Variants in SLC9C1 observed in about 807,000 individuals in gnomAD.
SLC9C1 encodes sodium/hydrogen exchanger 10.
A neutral mutation model predicts 140.9 loss-of-function variants in SLC9C1; 97 were observed. That is an observed-to-expected ratio of 0.69 (90% CI 0.58 to 0.82). The LOEUF is 0.82. Ranked by LOEUF, SLC9C1 falls within the 40% of genes least tolerant of loss-of-function variation. SLC9C1 has a pLI of 0.00. For synonymous variants in SLC9C1, 440 were observed against 442.6 expected (o/e 0.99, Z 0.07); for missense variants, 1,340 against 1,389.3 (o/e 0.96, Z 0.56).
chr3:112,265,766 C>T (rs1382090243), intron 8 of SLC9C1, among the ~76,000 whole-genome samples: 1 of 152,092 alleles, frequency 6.6e-6, no homozygotes, highest in Non-Finnish European at 1.5e-5. Flanking sequence ...ACTGCTAATC[C>T]TCTTCAAATG....
chr3:112,287,468 A>C (rs1388857855), intron 1 of SLC9C1, among the ~76,000 whole-genome samples: 2 of 152,254 alleles, frequency 1.3e-5, no homozygotes. Context: ...CCAAGAATGT[A>C]AGAAAAATAT....
rs559003260 is a variant in SLC9C1 at position 112,141,299 on chromosome 3, A to G, written c.3525-18T>C. ...ACTCTTTCCTAATAGAAGCGGAAAGAAAAAACAAAAACATAGAGGGCTTTT... is the reference window on the plus strand; with the variant it reads ...ACTCTTTCCTAATAGAAGCGGAAAGGAAAAACAAAAACATAGAGGGCTTTT... On this transcript the variant is annotated intron_variant, in intron 28 of 28. Transcript: ENST00000305815. 58 of 1,579,964 alleles carry G rather than the reference A, an allele frequency of 3.7e-5. No individual in the cohort carries two copies. The highest frequency in any genetic ancestry group is 4.6e-5 in the Non-Finnish European group (53 of 1,164,384).
At chr3:112,211,684 T>G (rs549861150) in intron 15 of SLC9C1, among the ~76,000 whole-genome samples, 7 of 152,256 alleles carry the variant, frequency 4.6e-5, no homozygotes, top group African/African-American at 1.7e-4. Flanking sequence ...TGCTGAGGCT[T>G]GAGTAGGTAA....
chr3:112,237,961 C>A (rs2079036813), intron 12 of SLC9C1, among the ~76,000 whole-genome samples: 1 of 152,058 alleles, frequency 6.6e-6, no homozygotes, highest in South Asian at 2.1e-4. Flanking sequence ...CGAGAAGTAT[C>A]TTTGTGGCAT....
intron 10 of SLC9C1, among the ~76,000 whole-genome samples, chr3:112,253,655 A>T (rs1203209926): frequency 6.6e-6 from 1 of 152,220 alleles, no homozygotes; most frequent in Non-Finnish European, 1.5e-5. Flanking sequence ...AGCTAAAGGG[A>T]CACCCAAACA....
intron 20 of SLC9C1, among the ~76,000 whole-genome samples, chr3:112,190,946 C>CACACAA (rs751385047): frequency 9.8e-4 from 141 of 143,712 alleles, no homozygotes; most frequent in Non-Finnish European, 1.9e-3. Context: ...CACACACACA[C>CACACAA]ACACACACAC....
intron 12 of SLC9C1, among the ~76,000 whole-genome samples, chr3:112,239,432 A>G (rs9755969): frequency 1 from 151,620 of 152,310 alleles, 75,471 homozygotes; most frequent in Middle Eastern, 1. Context: ...CCCTGGTTCA[A>G]CTCACACTGG....
intron 4 of SLC9C1, 99 bp from the exon 5 acceptor site, chr3:112,277,959 A>G (rs1278433646): frequency 4.2e-6 from 4 of 962,078 alleles, no homozygotes; most frequent in Non-Finnish European, 6.0e-6. Flanking sequence ...ATCAACCAAC[A>G]CCAACAGTAC....
intron 20 of SLC9C1, among the ~76,000 whole-genome samples, chr3:112,187,278 C>T (rs1211407994): frequency 1.3e-5 from 2 of 152,090 alleles, no homozygotes; most frequent in Non-Finnish European, 2.9e-5. Flanking sequence ...TTATTTTAAT[C>T]TTTCATTATT....
intron 10 of SLC9C1, among the ~76,000 whole-genome samples, chr3:112,251,086 C>G (rs894917951): frequency 6.6e-6 from 1 of 151,954 alleles, no homozygotes; most frequent in Non-Finnish European, 1.5e-5. Context: ...GGAAACTGAC[C>G]AAGATGGCTG....
intron 1 of SLC9C1, among the ~76,000 whole-genome samples, chr3:112,292,468 T>C (rs2080710880): frequency 6.6e-6 from 1 of 152,202 alleles, no homozygotes; most frequent in Non-Finnish European, 1.5e-5. Context: ...TAAAATAGTT[T>C]TAAAAATACT....
intron 2 of SLC9C1, among the ~76,000 whole-genome samples, chr3:112,284,985 CTTTTTTTT>C (rs61428176): frequency 9.6e-6 from 1 of 103,864 alleles, no homozygotes; most frequent in Admixed American, 1.3e-4. Context: ...TACAATTTTT[CTTTTTTTT>C]TTTTTTTTTT....
At chr3:112,273,477 T>C (rs1270714122) in intron 6 of SLC9C1, among the ~76,000 whole-genome samples, 2 of 152,092 alleles carry the variant, frequency 1.3e-5, no homozygotes, top group Non-Finnish European at 2.9e-5. Context: ...CCATCTGTTG[T>C]CCATAAGCCT....
At chr3:112,209,212 G>GA (rs11294478) in intron 15 of SLC9C1, among the ~76,000 whole-genome samples, 1 of 151,570 alleles carries the variant, frequency 6.6e-6, no homozygotes, top group African/African-American at 2.4e-5. Flanking sequence ...GATACCATTT[G>GA]AAAAAAAAAT....
chr3:112,279,521 G>A (rs921812786), intron 3 of SLC9C1, among the ~76,000 whole-genome samples: 4 of 152,144 alleles, frequency 2.6e-5, no homozygotes, highest in African/African-American at 7.2e-5. Context: ...GAAGTTTCAG[G>A]TAGGTGGATA....
At chr3:112,171,141 G>C (rs1266996548) in intron 23 of SLC9C1, among the ~76,000 whole-genome samples, 1 of 152,156 alleles carries the variant, frequency 6.6e-6, no homozygotes, top group African/African-American at 2.4e-5. Flanking sequence ...TTGAATCCGG[G>C]AGGCGGAGGT....
intron 1 of SLC9C1, among the ~76,000 whole-genome samples, chr3:112,291,513 A>C (rs2080681752): frequency 6.6e-6 from 1 of 152,262 alleles, no homozygotes; most frequent in Non-Finnish European, 1.5e-5. Flanking sequence ...ATATGAAAAA[A>C]AAAGCTTAAC....
intron 3 of SLC9C1, among the ~76,000 whole-genome samples, chr3:112,280,427 T>C (rs973181682): frequency 3.1e-5 from 3 of 95,238 alleles, no homozygotes; most frequent in African/African-American, 6.4e-5. Context: ...CCACTAATAC[T>C]TTTATGTATG....
chr3:112,233,076 T>A (rs866321390), intron 12 of SLC9C1, among the ~76,000 whole-genome samples: 5,947 of 82,062 alleles, frequency 0.072, 193 homozygotes, highest in African/African-American at 0.12. Context: ...TATTATATTT[T>A]TTTTTTTTTT....
Sources: gnomAD v4.1 joint callset for allele counts (sites outside exome capture counted in the v4.1 genomes callset) on GRCh38, gnomAD v4.1.1 for gene constraint, MANE v1.5 for transcripts, NCBI Gene and HGNC (gene_info 2026-07-23, HGNC 2026-07-21) for gene names.